Variants in SCAF4 observed in about 807,000 individuals in gnomAD.
SCAF4 encodes the protein SR-related CTD associated factor 4, also known as SR-related and CTD-associated factor 4.
Under a neutral mutation model 129.8 loss-of-function variants are expected in SCAF4, and 25 were observed. The ratio of observed to expected loss-of-function variants is 0.19; its 90% confidence interval spans 0.14 to 0.27. The LOEUF (loss-of-function observed/expected upper bound fraction) is 0.27, where lower values mean the gene tolerates loss of function less well. SCAF4 is among the 10% of genes least tolerant of loss of function. The pLI is 1.00. For missense variants in SCAF4, 1,246 were observed against 1,457.1 expected (o/e 0.86, Z 2.36); for synonymous variants, 551 against 497.7 (o/e 1.11, Z -1.43).
At chr21:31,725,917 T>C (rs1447693083) in intron 1 of SCAF4, among the ~76,000 whole-genome samples, 1 of 152,200 alleles carries the variant, frequency 6.6e-6, no homozygotes, top group Non-Finnish European at 1.5e-5. Flanking sequence ...TATTAACATA[T>C]TGTAATAAGT....
At position 31,731,732 on chromosome 21, in the gene SCAF4, A is replaced by G; in HGVS notation, c.-40T>C. On this transcript the variant is annotated 5_prime_UTR_variant, in exon 1 of 20. An upstream open reading frame in the 5' UTR loses its in-frame stop. Transcript: ENST00000286835. The stretch of plus-strand genomic sequence containing the variant: ...GGCGGCTGCTCCGGGCCCGCCGGTC[A>G]CATAGACCTCGCGCCGCGGCGGAGC... The G allele has an allele frequency of 2.6e-6, 4 of 1,560,584 alleles. No homozygotes were observed. The East Asian group carries it at 7.7e-5, about 30-fold the overall frequency.
intron 1 of SCAF4, among the ~76,000 whole-genome samples, chr21:31,728,947 G>A (rs1276301327): frequency 2.6e-5 from 4 of 152,146 alleles, no homozygotes; most frequent in Non-Finnish European, 1.5e-5. Context: ...GACAAAAGGT[G>A]CTTATAAACC....
At chr21:31,685,265 T>G in intron 18 of SCAF4, 25 bp from the exon 19 acceptor site, 1 of 1,537,192 alleles carries the variant, frequency 6.5e-7, no homozygotes, top group South Asian at 1.1e-5. Context: ...TATATCAACA[T>G]GTGAAGCTGA....
intron 19 of SCAF4, among the ~76,000 whole-genome samples, chr21:31,678,296 G>T (rs1436796885): frequency 2.0e-5 from 3 of 152,204 alleles, no homozygotes; most frequent in East Asian, 3.9e-4. Flanking sequence ...CATAAAAAAC[G>T]AGTCATTCTT....
chr21:31,711,558 C>G, intron 1 of SCAF4, among the ~76,000 whole-genome samples: 1 of 152,232 alleles, frequency 6.6e-6, no homozygotes, highest in East Asian at 1.9e-4. Context: ...GCTCAACAAT[C>G]TGCTCAGTTA....
In SCAF4 at chr21:31,671,481, G is replaced by A. The variant is rs1332704562; in HGVS notation, c.3362C>T (p.Pro1121Leu). The change falls in exon 20 of 20, where the codon CCT becomes CTT. Residue 1121 changes from proline (P) to leucine (L), a missense_variant. Pro to Leu is a moderately conservative substitution (Grantham distance 98). Around this residue, in one of 6 missense-constraint regions of SCAF4, gnomAD observed 339 missense variants for 325.0 expected, o/e 1.04. Coordinates refer to ENST00000286835, the MANE Select transcript of SCAF4 (RefSeq NM_020706.2). ...KGVSEAAVLKPSEELPAEATS... is the reference protein window; with the variant it reads ...KGVSEAAVLKLSEELPAEATS... Reference sequence around the variant, plus strand: ...AGCCTCAGCAGGTAACTCTTCAGAAGGCTTTAGGACTGCAGCCTCAGACAC... The same window carrying A: ...AGCCTCAGCAGGTAACTCTTCAGAAAGCTTTAGGACTGCAGCCTCAGACAC... 1.2e-6 allele frequency: 2 copies of A among 1,614,072 alleles called. No homozygotes were observed. The highest frequency in any genetic ancestry group is 8.5e-7 in the Non-Finnish European group (1 of 1,180,040).
At chr21:31,696,384 C>A (rs370349814) in intron 8 of SCAF4, among the ~76,000 whole-genome samples, 163 bp from the exon 9 acceptor site, 1 of 152,288 alleles carries the variant, frequency 6.6e-6, no homozygotes, top group African/African-American at 2.4e-5. Flanking sequence ...TTATTCCCAA[C>A]ATAAAAGCCA....
intron 7 of SCAF4, among the ~76,000 whole-genome samples, chr21:31,698,130 G>A (rs2050432824): frequency 6.6e-6 from 1 of 152,100 alleles, no homozygotes; most frequent in South Asian, 2.1e-4. Context: ...GTTCTTTAAA[G>A]TTTGAAGAAT....
chr21:31,729,550 G>C (rs34958483), intron 1 of SCAF4, among the ~76,000 whole-genome samples: 1 of 151,766 alleles, frequency 6.6e-6, no homozygotes, highest in Non-Finnish European at 1.5e-5. Flanking sequence ...TCAGATCTCA[G>C]AGATTCAAGA....
chr21:31,706,198 A>G (rs2050658758), intron 2 of SCAF4, 76 bp downstream of exon 2: 1 of 972,584 alleles, frequency 1.0e-6, no homozygotes, highest in East Asian at 2.6e-5. Flanking sequence ...TCACAAGTTG[A>G]CTTCTCATGT....
intron 13 of SCAF4, 187 bp downstream of exon 13, chr21:31,692,162 T>A (rs1259541322): frequency 8.4e-6 from 5 of 592,296 alleles, no homozygotes; most frequent in Non-Finnish European, 1.2e-5. Context: ...ATCCAAGAAA[T>A]GTTAAATACA....
intron 7 of SCAF4, chr21:31,700,691 G>A: frequency 5.3e-6 from 2 of 377,358 alleles, no homozygotes; most frequent in Middle Eastern, 8.2e-4. Context: ...TAATCCCCAA[G>A]TATTGGGGTT....
chr21:31,723,655 G>A (rs1035230242), intron 1 of SCAF4, among the ~76,000 whole-genome samples: 1 of 148,954 alleles, frequency 6.7e-6, no homozygotes, highest in Non-Finnish European at 1.5e-5. Flanking sequence ...CGCACATACA[G>A]TTCAAGTTTT....
intron 1 of SCAF4, among the ~76,000 whole-genome samples, chr21:31,720,921 G>A (rs1326118492): frequency 1.3e-5 from 2 of 152,192 alleles, no homozygotes; most frequent in Non-Finnish European, 2.9e-5. Flanking sequence ...CAGAAAATCA[G>A]ATAAGGCAAG....
intron 7 of SCAF4, among the ~76,000 whole-genome samples, chr21:31,698,204 A>G (rs1165751546): frequency 6.6e-6 from 1 of 152,246 alleles, no homozygotes; most frequent in Non-Finnish European, 1.5e-5. Flanking sequence ...AAGAAATTTT[A>G]GTTGCTTTTT....
At chr21:31,715,567 G>C (rs577392930) in intron 1 of SCAF4, among the ~76,000 whole-genome samples, 1 of 152,222 alleles carries the variant, frequency 6.6e-6, no homozygotes, top group Admixed American at 6.5e-5. Context: ...ATCAAAACTA[G>C]ATCTTCACAT....
intron 1 of SCAF4, among the ~76,000 whole-genome samples, chr21:31,722,230 C>T (rs1428092509): frequency 6.6e-6 from 1 of 152,124 alleles, no homozygotes; most frequent in Non-Finnish European, 1.5e-5. Flanking sequence ...GTTATACAGT[C>T]AGTTCCCAAC....
At position 31,685,240 on chromosome 21, in the gene SCAF4, G is replaced by T; in HGVS notation, c.2297C>A (p.Ser766Tyr). The T allele has an allele frequency of 6.3e-7, 1 of 1,588,292 alleles. No homozygotes were observed. Among genetic ancestry groups the T allele is most frequent in the Non-Finnish European group, 8.6e-7 (1 of 1,158,020 alleles). The change falls in exon 19 of 20, where the codon TCT becomes TAT. Residue 766 changes from serine to tyrosine, a missense_variant and splice_region_variant. Coordinates refer to ENST00000286835, the MANE Select transcript of SCAF4 (RefSeq NM_020706.2). ...GTCTTCATTTATACCAGCGATAGTA[G>T]CTAAGGAATATAATTATATCAACAT... is the stretch of plus-strand genomic sequence containing the variant. ...PHTPPISIPN[S>Y]TIAGINEDTT...
At chr21:31,672,681 A>G (rs2049740788) in intron 19 of SCAF4, among the ~76,000 whole-genome samples, 1 of 152,250 alleles carries the variant, frequency 6.6e-6, no homozygotes, top group Non-Finnish European at 1.5e-5. Context: ...TACATTTGAG[A>G]AACACAGTGT....
Sources: gnomAD v4.1 joint callset for allele counts (sites outside exome capture counted in the v4.1 genomes callset) on GRCh38, gnomAD v4.1.1 for gene constraint, gnomAD v4.1.1 regional missense constraint, MANE v1.5 for transcripts, NCBI Gene and HGNC (gene_info 2026-07-23, HGNC 2026-07-21) for gene names.